The following DCC variants were observed in gnomAD, a reference collection of about 807,000 sequenced individuals.
DCC encodes netrin receptor DCC.
DCC carries 58 observed loss-of-function variants against 172.5 expected under a neutral mutation model. That is an observed-to-expected ratio of 0.34 (90% CI 0.27 to 0.42). The LOEUF is 0.42. DCC is among the 10% of genes least tolerant of loss of function. The probability of loss-of-function intolerance (pLI) is 1.00; values close to 1 mark genes in which losing one functional copy is unlikely to be tolerated. For synonymous variants in DCC, 709 were observed against 644.5 expected (o/e 1.10, Z -1.52); for missense variants, 1,740 against 1,791.0 (o/e 0.97, Z 0.51).
Position 53,066,169 on chromosome 18 carries a change from A to G in DCC, c.1261+3A>G, listed in dbSNP as rs895194138. The G allele has an allele frequency of 3.7e-6, 6 of 1,612,578 alleles. No homozygotes were observed. The highest frequency in any genetic ancestry group is 5.1e-6 in the Non-Finnish European group (6 of 1,178,898). Reference sequence around the variant, plus strand: ...ACAGCTCATTGTCCCTAAGCCTGGTAAGACAATGGGAACCTTGCTTTGGTA... The same window carrying G: ...ACAGCTCATTGTCCCTAAGCCTGGTGAGACAATGGGAACCTTGCTTTGGTA... On this transcript the variant is annotated splice_donor_region_variant and intron_variant, in intron 7 of 28. Transcript: ENST00000442544.
intron 1 of DCC, among the ~76,000 whole-genome samples, chr18:52,709,650 TCTC>T (rs2036262961): frequency 6.6e-6 from 1 of 152,142 alleles, no homozygotes; most frequent in Admixed American, 6.6e-5. Context: ...TATTTTGAAA[TCTC>T]CTATCAGTTC....
At chr18:53,448,137 TTATTA>T (rs1912749290) in intron 22 of DCC, among the ~76,000 whole-genome samples, 1 of 150,892 alleles carries the variant, frequency 6.6e-6, no homozygotes, top group South Asian at 2.1e-4. Flanking sequence ...AAGTACTGGG[TTATTA>T]TATTAAATTG....
At chr18:52,879,356 T>C (rs2039446379) in intron 2 of DCC, among the ~76,000 whole-genome samples, 1 of 150,542 alleles carries the variant, frequency 6.6e-6, no homozygotes, top group African/African-American at 2.4e-5. Flanking sequence ...TGGGAAGTTA[T>C]TCTCCCAATA....
At chr18:53,192,148 G>C (rs573653397) in intron 9 of DCC, among the ~76,000 whole-genome samples, 18 of 152,278 alleles carry the variant, frequency 1.2e-4, no homozygotes, top group Non-Finnish European at 7.3e-5. Context: ...TAGGTTTTCT[G>C]CCCTGTGTGA....
At chr18:52,696,816 A>G (rs764493875) in intron 1 of DCC, among the ~76,000 whole-genome samples, 14 of 152,358 alleles carry the variant, frequency 9.2e-5, no homozygotes, top group South Asian at 6.2e-4. Context: ...AGGCTACAAT[A>G]TAGTCAGGTG....
At chr18:52,495,455 C>T (rs2030704929) in intron 1 of DCC, among the ~76,000 whole-genome samples, 4 of 152,084 alleles carry the variant, frequency 2.6e-5, no homozygotes. Context: ...TTTAGAATAT[C>T]ACCCCAGCTT....
chr18:52,371,675 G>C (rs1985129265), intron 1 of DCC, among the ~76,000 whole-genome samples: 1 of 152,184 alleles, frequency 6.6e-6, no homozygotes, highest in African/African-American at 2.4e-5. Context: ...AATGTATGGA[G>C]TTCGTTTGTC....
rs574951293 is a variant in DCC at position 53,456,327 on chromosome 18, G to C, written c.3393-2905G>C. Reference sequence around the variant, plus strand: ...TGCTGTCAAAGTTTTGCCATGATCTGAGAAGGAGAAAACAGAGAGCCTGGG... The same window carrying C: ...TGCTGTCAAAGTTTTGCCATGATCTCAGAAGGAGAAAACAGAGAGCCTGGG... On this transcript the variant is annotated intron_variant, in intron 23 of 28. Coordinates refer to ENST00000442544, the MANE Select transcript of DCC (RefSeq NM_005215.4). Among the ~76,000 whole-genome samples the C allele has an allele frequency of 1.1e-4, 16 of 152,290 alleles. No individual in the cohort carries two copies. In the East Asian group the frequency reaches 3.1e-3, roughly 29 times the overall value.
At chr18:52,828,660 C>T (rs2038556176) in intron 2 of DCC, among the ~76,000 whole-genome samples, 1 of 152,092 alleles carries the variant, frequency 6.6e-6, no homozygotes, top group African/African-American at 2.4e-5. Flanking sequence ...ATTTCTGAAA[C>T]TATATGGTAT....
chr18:53,435,052 T>C, intron 21 of DCC, 92 bp from the exon 22 acceptor site: 2 of 952,396 alleles, frequency 2.1e-6, no homozygotes, highest in South Asian at 2.6e-5. Context: ...AAGTAATCTG[T>C]TCTGTTATTG....
rs71173391 is a variant in DCC, at chr18:52,357,936, T to TCAAAA, written c.91+17058_91+17059insCAAAA. Among the ~76,000 whole-genome samples, 444 of 123,328 alleles carry TCAAAA rather than the reference T, an allele frequency of 3.6e-3. 10 individuals are homozygous for TCAAAA. Among genetic ancestry groups the TCAAAA allele is most frequent in the Non-Finnish European group, 5.3e-3 (308 of 58,442 alleles). 80.9% of individuals were successfully genotyped at this position (123,328 alleles called of 152,430 possible). Reference sequence around the variant, plus strand: ...CTGGGCGACAGAGCGAGACTCTGTGTAAAAAAAAAAAAAAAAAAAATCTGA... The same window carrying TCAAAA: ...CTGGGCGACAGAGCGAGACTCTGTGTCAAAAAAAAAAAAAAAAAAAAAAAATCTGA... On this transcript the variant is annotated intron_variant, in intron 1 of 28. Coordinates refer to ENST00000442544, the MANE Select transcript of DCC (RefSeq NM_005215.4).
chr18:52,598,036 G>A (rs565133728), intron 1 of DCC, among the ~76,000 whole-genome samples: 7 of 152,262 alleles, frequency 4.6e-5, no homozygotes, highest in South Asian at 4.1e-4. Context: ...GCAGTATAAC[G>A]TTGGAAAATG....
At chr18:52,973,443 T>G (rs573831496) in intron 5 of DCC, among the ~76,000 whole-genome samples, 82 of 152,316 alleles carry the variant, frequency 5.4e-4, no homozygotes, top group African/African-American at 1.9e-3. Flanking sequence ...CATAACTTGC[T>G]TACCCACTGG....
chr18:52,362,632 T>C (rs1453533065), intron 1 of DCC, among the ~76,000 whole-genome samples: 1 of 152,180 alleles, frequency 6.6e-6, no homozygotes, highest in East Asian at 1.9e-4. Context: ...TTTTGGGTTA[T>C]TAACTCCTGA....
chr18:53,111,078 G>T (rs940231409), intron 7 of DCC, among the ~76,000 whole-genome samples: 2 of 148,690 alleles, frequency 1.3e-5, no homozygotes, highest in African/African-American at 2.5e-5. Context: ...CATAAAAAAT[G>T]ATGAGTTCAT....
intron 5 of DCC, among the ~76,000 whole-genome samples, chr18:53,050,766 T>C (rs1203051782): frequency 6.6e-6 from 1 of 152,144 alleles, no homozygotes; most frequent in Non-Finnish European, 1.5e-5. Flanking sequence ...TACATTTTAT[T>C]TTATCCTTCT....
intron 7 of DCC, among the ~76,000 whole-genome samples, chr18:53,103,222 G>A (rs2043198193): frequency 6.6e-6 from 1 of 151,938 alleles, no homozygotes; most frequent in African/African-American, 2.4e-5. Flanking sequence ...TACAAATCCA[G>A]GCCCAGCTTC....
At chr18:53,503,463 C>A (rs561542441) in intron 27 of DCC, among the ~76,000 whole-genome samples, 1 of 152,274 alleles carries the variant, frequency 6.6e-6, no homozygotes, top group South Asian at 2.1e-4. Flanking sequence ...TTACACATTT[C>A]ATGGAGGCTG....
chr18:52,570,490 T>C (rs1240546609), intron 1 of DCC, among the ~76,000 whole-genome samples: 1 of 152,214 alleles, frequency 6.6e-6, no homozygotes, highest in Non-Finnish European at 1.5e-5. Context: ...AGGGGGAAGA[T>C]GTACTATAAA....
Sources: allele counts gnomAD v4.1 joint callset (sites outside exome capture counted in the v4.1 genomes callset), GRCh38; gene constraint gnomAD v4.1.1; transcripts MANE v1.5; gene names NCBI Gene and HGNC (gene_info 2026-07-23, HGNC 2026-07-21).